Variants in COX15 observed in about 807,000 individuals in gnomAD.
The protein encoded by COX15 is cytochrome c oxidase assembly factor COX15.
COX15 carries 51 observed loss-of-function variants against 51.9 expected under a neutral mutation model. The observed-to-expected ratio is 0.98, with a 90% CI of 0.78 to 1.24. The LOEUF is 1.24. COX15 is among the 50% of genes most tolerant of loss of function. COX15 has a pLI of 0.00. For missense variants in COX15, 420 were observed against 501.1 expected (o/e 0.84, Z 1.55); for synonymous variants, 188 against 190.5 (o/e 0.99, Z 0.11).
In COX15 at chr10:99,710,877, C is replaced by A; in HGVS notation, c.*3710G>T. The A allele has an allele frequency of 2.0e-6, 2 of 985,278 alleles. No homozygotes were observed. The highest frequency in any genetic ancestry group is 2.4e-6 in the Non-Finnish European group (2 of 829,846). 61.0% of individuals were successfully genotyped at this position (985,278 alleles called of 1,614,324 possible). The stretch of plus-strand genomic sequence containing the variant: ...ATTCTAGGTTGACTGATTAAGAAAG[C>A]CATGTGTTTTAATTTCCTTCATGTT... On this transcript the variant is annotated 3_prime_UTR_variant, in exon 9 of 9. Coordinates refer to ENST00000016171, the MANE Select transcript of COX15 (RefSeq NM_078470.6).
chr10:99,718,404 G>A lies in COX15; in HGVS notation c.929C>T (p.Pro310Leu), dbSNP rs138293000. Residue 310 changes from proline to leucine, a missense_variant, in exon 7 of 9, where the codon CCC (proline) becomes CTC (leucine). Pro to Leu is a moderately conservative substitution (Grantham distance 98). Transcript: ENST00000016171. ...WIPEDLFTFSPILRNVFENPT... is the reference protein window; with the variant it reads ...WIPEDLFTFSLILRNVFENPT... ...ATTCTCAAAAACATTCCTCAGGATG[G>A]GGGAGAAGGTAAAGAGGTCCTCCGG... The A allele has an allele frequency of 2.5e-6, 4 of 1,614,072 alleles. No homozygotes were observed. Among genetic ancestry groups the A allele is most frequent in the Non-Finnish European group, 3.4e-6 (4 of 1,179,988 alleles).
intron 5 of COX15, among the ~76,000 whole-genome samples, chr10:99,721,884 T>A (rs528693595): frequency 3.6e-4 from 55 of 152,044 alleles, no homozygotes; most frequent in Admixed American, 7.2e-4. Context: ...ATTAAAAAAA[T>A]TTTTTTTCTC....
chr10:99,707,763 A>G (rs1337305255), downstream of COX15, among the ~76,000 whole-genome samples: 1 of 152,256 alleles, frequency 6.6e-6, no homozygotes, highest in East Asian at 1.9e-4. Flanking sequence ...TTCTTGTCAT[A>G]GAACATAATG....
At chr10:99,706,118 GAAAAC>G (rs987940119), downstream of COX15, 44 of 152,138 alleles carry the variant, frequency 2.9e-4, no homozygotes, top group African/African-American at 1.0e-3. Context: ...TGGCTTTAAA[GAAAAC>G]AAAAGTAGAA....
chr10:99,709,624 C>T (rs2036322512), downstream of COX15: 4 of 985,406 alleles, frequency 4.1e-6, no homozygotes, highest in South Asian at 4.7e-5. Context: ...GGCTCATTCT[C>T]TCATAACCTG....
rs954123042 is a variant in COX15 at position 99,731,854 on chromosome 10, C to T, written c.90+106G>A. 4.2e-6 allele frequency: 6 copies of T among 1,441,300 alleles called. No homozygotes were observed. In the African/African-American group the frequency reaches 7.1e-5, roughly 17 times the overall value. 89.3% of individuals were successfully genotyped at this position (1,441,300 alleles called of 1,614,324 possible). ...TCTGAACCTATGCGTTGTGAGTGCA[C>T]TGTAAGGAGCTCCGGAAACGTGATG... On this transcript the variant is annotated intron_variant, in intron 1 of 8. Transcript: ENST00000016171.
the COX15 span, chr10:99,700,909 T>G: frequency 5.3e-6 from 7 of 1,317,722 alleles, no homozygotes; most frequent in Non-Finnish European, 6.6e-6. Context: ...CAGCTGTGAC[T>G]GTGGGGAAGG....
Position 99,714,667 on chromosome 10 carries a change from C to A in COX15, c.1153G>T (p.Ala385Ser). 1 of 1,613,976 alleles carries A rather than the reference C, an allele frequency of 6.2e-7. No individual in the cohort carries two copies. The highest frequency in any genetic ancestry group is 1.7e-4 in the Middle Eastern group (1 of 6,004). ...LLMYVPTPLAATHQSGSLALL... is the reference protein window; with the variant it reads ...LLMYVPTPLASTHQSGSLALL... ...GCCAAGGAGCCTGACTGGTGAGTGG[C>A]GGCCAGAGGAGTTGGGACATACATC... The change falls in exon 9 of 9, where the codon GCC (alanine) becomes TCC (serine). Residue 385 changes from alanine (A) to serine (S), a missense_variant. Physicochemically the swap from Ala to Ser is moderately conservative, Grantham distance 99. Transcript: ENST00000016171.
In COX15 at chr10:99,711,021, G is replaced by A. The variant is rs752667154; in HGVS notation, c.*3566C>T. 1 of 984,960 alleles carries A rather than the reference G, an allele frequency of 1.0e-6. No homozygotes were observed. Among genetic ancestry groups the A allele is most frequent in the African/African-American group, 1.7e-5 (1 of 57,184 alleles). 61.0% of individuals were successfully genotyped at this position (984,960 alleles called of 1,614,324 possible). A position where few individuals can be genotyped will look rare whatever the true frequency, so the allele number is the denominator to read the frequency against. On this transcript the variant is annotated 3_prime_UTR_variant, in exon 9 of 9. Transcript: ENST00000016171. Reference sequence around the variant, plus strand: ...AAAAAGGTATTTGGAACATCAATCTGTAATTATCCATTTTCCATTCATGCA... The same window carrying A: ...AAAAAGGTATTTGGAACATCAATCTATAATTATCCATTTTCCATTCATGCA...
rs568003391 is a variant in COX15 at position 99,718,693 on chromosome 10, C to T, written c.833-193G>A. On this transcript the variant is annotated intron_variant, in intron 6 of 8. Transcript: ENST00000016171. ...TCACCAAGGAAACTTCAAATCTCTGCATCCTTACCTGCTCCCACCCCAAGA... is the reference window on the plus strand; with the variant it reads ...TCACCAAGGAAACTTCAAATCTCTGTATCCTTACCTGCTCCCACCCCAAGA... Among the ~76,000 whole-genome samples the T allele has an allele frequency of 3.3e-5, 5 of 152,294 alleles. No individual in the cohort carries two copies. The South Asian group carries it at 1.0e-3, about 32-fold the overall frequency.
chr10:99,710,929 G>C lies in COX15; in HGVS notation c.*3658C>G. Reference sequence around the variant, plus strand: ...TAAAAACAATGGACGTAAGTGCAGAGAGACCTTTGAAAATATTAAGGGAAA... The same window carrying C: ...TAAAAACAATGGACGTAAGTGCAGACAGACCTTTGAAAATATTAAGGGAAA... On this transcript the variant is annotated 3_prime_UTR_variant, in exon 9 of 9. Coordinates refer to ENST00000016171, the MANE Select transcript of COX15 (RefSeq NM_078470.6). 4.1e-6 allele frequency: 4 copies of C among 985,368 alleles called. No individual in the cohort carries two copies. The highest frequency in any genetic ancestry group is 4.8e-6 in the Non-Finnish European group (4 of 829,862). The allele number at this position is 985,368 out of a possible 1,614,324, so 61.0% of individuals were successfully genotyped here.
At chr10:99,715,624 G>A (rs2036544095) in intron 8 of COX15, among the ~76,000 whole-genome samples, 1 of 150,210 alleles carries the variant, frequency 6.7e-6, no homozygotes, top group African/African-American at 2.5e-5. Flanking sequence ...GGGTGACAGA[G>A]TGAGACTCCA....
At chr10:99,698,783 G>GT in the COX15 span, 4 of 1,614,182 alleles carry the variant, frequency 2.5e-6, no homozygotes, top group Non-Finnish European at 3.4e-6. Flanking sequence ...GCTTCTCTGA[G>GT]TTTTTTTATT....
downstream of COX15, among the ~76,000 whole-genome samples, chr10:99,708,019 C>G (rs2036286574): frequency 6.6e-6 from 1 of 152,124 alleles, no homozygotes; most frequent in Non-Finnish European, 1.5e-5. Context: ...AGCATAGTAC[C>G]TAACAGATAG....
At position 99,732,028 on chromosome 10, in the gene COX15, G is replaced by A. The variant is rs544350137; in HGVS notation, c.22C>T (p.Pro8Ser). ...TGCCTCCCCTTCAAGGCCCTCAACG[G>A]CGGAAAGAGCAATCGCTGCATACTG... MQRLLFP[P>S]LRALKGRQYL... Residue 8 changes from proline (P) to serine (S), a missense_variant, in exon 1 of 9, where the codon CCG becomes TCG. By Grantham distance (74) the Pro-to-Ser change is moderately conservative (BLOSUM62 -1). Coordinates refer to ENST00000016171, the MANE Select transcript of COX15 (RefSeq NM_078470.6). 1.9e-6 allele frequency: 3 copies of A among 1,613,120 alleles called. No homozygotes were observed. The South Asian group carries it at 3.3e-5, about 18-fold the overall frequency.
the COX15 span, chr10:99,705,814 AG>A: frequency 6.6e-6 from 1 of 152,264 alleles, no homozygotes; most frequent in African/African-American, 2.4e-5. Context: ...CTCTATTAAG[AG>A]ACTGCTGAGT....
intron 1 of COX15, 89 bp downstream of exon 1, chr10:99,731,871 A>C (rs1290068796): frequency 2.6e-6 from 4 of 1,518,388 alleles, no homozygotes; most frequent in Non-Finnish European, 3.6e-6. Context: ...GAGCTCCGGA[A>C]ACGTGATGTG....
the COX15 span, chr10:99,700,865 A>G: frequency 4.7e-6 from 4 of 860,152 alleles, no homozygotes; most frequent in East Asian, 7.3e-5. Context: ...TTCCTTTGTC[A>G]GCTGGTAGCC....
rs1201489831 is a variant in COX15 at position 99,711,128 on chromosome 10, C to T, written c.*3459G>A. On this transcript the variant is annotated 3_prime_UTR_variant, in exon 9 of 9. Coordinates refer to ENST00000016171, the MANE Select transcript of COX15 (RefSeq NM_078470.6). ...AAAAAAACCCTAAGATAATCATTCA[C>T]CAGAAGCTCATAGATATAATACAGT... The T allele has an allele frequency of 4.1e-6, 4 of 984,710 alleles. No individual in the cohort carries two copies. Among genetic ancestry groups the T allele is most frequent in the Non-Finnish European group, 4.8e-6 (4 of 829,602 alleles). The allele number at this position is 984,710 out of a possible 1,614,324, so 61.0% of individuals were successfully genotyped here.
Sources: gnomAD v4.1 joint callset for allele counts (sites outside exome capture counted in the v4.1 genomes callset) on GRCh38, gnomAD v4.1.1 for gene constraint, MANE v1.5 for transcripts, NCBI Gene and HGNC (gene_info 2026-07-23, HGNC 2026-07-21) for gene names.